The following CACNA2D1 variants were observed in gnomAD, a reference collection of about 807,000 sequenced individuals.
CACNA2D1 encodes the protein voltage-dependent calcium channel subunit alpha-2/delta-1.
CACNA2D1 carries 53 observed loss-of-function variants against 171.5 expected under a neutral mutation model. That is an observed-to-expected ratio of 0.31 (90% CI 0.25 to 0.39). The LOEUF is 0.39. CACNA2D1 is among the 10% of genes least tolerant of loss of function. The pLI is 1.00. For missense variants in CACNA2D1, 903 were observed against 1,299.8 expected (o/e 0.69, Z 4.69); for synonymous variants, 442 against 443.1 (o/e 1.00, Z 0.03).
intron 3 of CACNA2D1, among the ~76,000 whole-genome samples, chr7:82,263,049 T>G (rs543767556): frequency 4.6e-5 from 7 of 151,920 alleles, no homozygotes; most frequent in African/African-American, 1.7e-4. Context: ...ATAGACAAGT[T>G]TCCTGGGTCT....
intron 20 of CACNA2D1, among the ~76,000 whole-genome samples, chr7:81,994,192 AT>A (rs973366564): frequency 6.6e-6 from 1 of 152,118 alleles, no homozygotes; most frequent in Admixed American, 6.5e-5. Flanking sequence ...TGAGACTTAC[AT>A]TTTTCAAATA....
At chr7:82,111,422 A>ATGTG (rs1264458945) in intron 6 of CACNA2D1, among the ~76,000 whole-genome samples, 1,069 of 71,570 alleles carry the variant, frequency 0.015, 47 homozygotes, top group African/African-American at 0.047. Context: ...ATGTGTATAT[A>ATGTG]TGTGTGTATA....
At chr7:82,192,097 T>G (rs2129186714) in intron 3 of CACNA2D1, among the ~76,000 whole-genome samples, 1 of 151,774 alleles carries the variant, frequency 6.6e-6, no homozygotes, top group South Asian at 2.1e-4. Flanking sequence ...GATACATAAC[T>G]TTAGGCATGA....
intron 3 of CACNA2D1, among the ~76,000 whole-genome samples, chr7:82,300,443 C>T (rs1329434471): frequency 6.6e-6 from 1 of 151,896 alleles, no homozygotes; most frequent in African/African-American, 2.4e-5. Context: ...ATATACAAAC[C>T]ATGTTGTCCA....
At chr7:82,331,509 G>C (rs544800491) in intron 3 of CACNA2D1, among the ~76,000 whole-genome samples, 94 of 152,216 alleles carry the variant, frequency 6.2e-4, no homozygotes, top group Non-Finnish European at 1.1e-3. Flanking sequence ...GTGGAATCAA[G>C]GAAGTTAAGC....
intron 3 of CACNA2D1, among the ~76,000 whole-genome samples, chr7:82,179,105 T>G (rs1331267536): frequency 6.6e-6 from 1 of 152,142 alleles, no homozygotes; most frequent in Non-Finnish European, 1.5e-5. Context: ...TAAAAATTGC[T>G]AGATTAACTC....
chr7:82,191,809 A>G (rs1056548900), intron 3 of CACNA2D1, among the ~76,000 whole-genome samples: 2 of 151,842 alleles, frequency 1.3e-5, no homozygotes, highest in Admixed American at 6.6e-5. Context: ...AAAAAAAGAG[A>G]AAAAGTGAAT....
intron 7 of CACNA2D1, among the ~76,000 whole-genome samples, chr7:82,072,843 CTT>C (rs1299666393): frequency 4.6e-5 from 7 of 152,054 alleles, no homozygotes; most frequent in Middle Eastern, 3.4e-3. Flanking sequence ...ACAGCTAAGA[CTT>C]AATGAATTTT....
chr7:82,048,515 T>C (rs1032330672), intron 10 of CACNA2D1, among the ~76,000 whole-genome samples: 15 of 152,132 alleles, frequency 9.9e-5, no homozygotes, highest in Admixed American at 3.9e-4. Context: ...AGCATATTAG[T>C]TTTCAAGCTA....
rs562262026 is a variant in CACNA2D1 at position 82,410,559 on chromosome 7, G to A, written c.95+32806C>T. On this transcript the variant is annotated intron_variant, in intron 1 of 38. Coordinates refer to ENST00000356860, the MANE Select transcript of CACNA2D1 (RefSeq NM_000722.4). Reference sequence around the variant, plus strand: ...CTACATCAGGGGTGGCTGATGCCAGGTGGCTGGCTTGCGACACTTAGGAAG... The same window carrying A: ...CTACATCAGGGGTGGCTGATGCCAGATGGCTGGCTTGCGACACTTAGGAAG... The A allele has an allele frequency of 3.0e-5, 30 of 984,164 alleles. No homozygotes were observed. The South Asian group carries it at 1.3e-3, about 43-fold the overall frequency. 61.0% of individuals were successfully genotyped at this position (984,164 alleles called of 1,614,324 possible).
chr7:82,350,831 A>T (rs1213348181), intron 1 of CACNA2D1, among the ~76,000 whole-genome samples: 6 of 152,224 alleles, frequency 3.9e-5, no homozygotes, highest in Non-Finnish European at 2.9e-5. Flanking sequence ...AATAGTTTTG[A>T]TCATTACAAT....
rs1357276554 is a variant in CACNA2D1, at chr7:81,947,088, C to G, written c.*3304G>C. 6.6e-6 allele frequency: 1 copy of G among 151,920 alleles called. No individual in the cohort carries two copies. The highest frequency in any genetic ancestry group is 1.5e-5 in the Non-Finnish European group (1 of 67,920). The allele number at this position is 151,920 out of a possible 1,614,324, so 9.4% of individuals were successfully genotyped here. A position where few individuals can be genotyped will look rare whatever the true frequency, so the allele number is the denominator to read the frequency against. On this transcript the variant is annotated 3_prime_UTR_variant, in exon 39 of 39. Coordinates refer to ENST00000356860, the MANE Select transcript of CACNA2D1 (RefSeq NM_000722.4). The stretch of plus-strand genomic sequence containing the variant: ...TACCATTAAACATTTGAACGTCTAA[C>G]ATGATCAATGGAATAGATTCAGAGT...
chr7:81,976,380 A>G (rs1431467015), intron 24 of CACNA2D1, among the ~76,000 whole-genome samples: 1 of 152,124 alleles, frequency 6.6e-6, no homozygotes. Context: ...ATGAGCATGG[A>G]ATGTTTTTCC....
chr7:82,066,549 T>G, intron 7 of CACNA2D1, 25 bp from the exon 8 acceptor site: 1 of 1,546,126 alleles, frequency 6.5e-7, no homozygotes, highest in Non-Finnish European at 8.8e-7. Context: ...AAAAGAGAGA[T>G]ATTAAATCAA....
At chr7:82,237,211 C>T (rs1222061121) in intron 3 of CACNA2D1, among the ~76,000 whole-genome samples, 3 of 151,838 alleles carry the variant, frequency 2.0e-5, no homozygotes, top group Non-Finnish European at 4.4e-5. Flanking sequence ...TTTTACAAGT[C>T]TCCCACTCTT....
At position 82,408,327 on chromosome 7, in the gene CACNA2D1, T is replaced by C. The variant is rs1384573345; in HGVS notation, c.95+35038A>G. Among the ~76,000 whole-genome samples the C allele has an allele frequency of 2.0e-5, 3 of 152,052 alleles. No individual in the cohort carries two copies. The East Asian group carries it at 5.8e-4, about 29-fold the overall frequency. ...ATGTGACTCAGTGCCTGGCCTTTCC[T>C]TTTACTTTCTTTTTATCTCCTCTCA... On this transcript the variant is annotated intron_variant, in intron 1 of 38. Coordinates refer to ENST00000356860, the MANE Select transcript of CACNA2D1 (RefSeq NM_000722.4).
intron 3 of CACNA2D1, among the ~76,000 whole-genome samples, chr7:82,285,004 C>A: frequency 6.6e-6 from 1 of 152,130 alleles, no homozygotes; most frequent in Admixed American, 6.5e-5. Context: ...CCCACATCTA[C>A]TAGCAATAGA....
chr7:82,265,410 T>C (rs1807695538), intron 3 of CACNA2D1, among the ~76,000 whole-genome samples: 1 of 131,800 alleles, frequency 7.6e-6, no homozygotes, highest in Non-Finnish European at 1.6e-5. Flanking sequence ...TAACAATTTT[T>C]CCTTTCTTTT....
At chr7:82,057,729 A>C (rs1806118852) in intron 10 of CACNA2D1, among the ~76,000 whole-genome samples, 1 of 152,124 alleles carries the variant, frequency 6.6e-6, no homozygotes, top group African/African-American at 2.4e-5. Context: ...CACCATTTGA[A>C]TGGGCACAGA....
Sources: allele counts gnomAD v4.1 joint callset (sites outside exome capture counted in the v4.1 genomes callset), GRCh38; gene constraint gnomAD v4.1.1; transcripts MANE v1.5; gene names NCBI Gene and HGNC (gene_info 2026-07-23, HGNC 2026-07-21).